ZNF611: variants seen among roughly 807,000 people sequenced by gnomAD.
The protein encoded by ZNF611 is zinc finger protein 611.
In ZNF611, 6 loss-of-function variants were observed where a neutral mutation model predicts 8.9. The observed-to-expected ratio is 0.68, with a 90% CI of 0.37 to 1.34. ZNF611 has a LOEUF of 1.34. ZNF611 is among the 40% of genes most tolerant of loss of function. The pLI, the probability that ZNF611 is intolerant of heterozygous loss-of-function variation, is 0.02. For missense variants in ZNF611, 874 were observed against 841.3 expected (o/e 1.04, Z -0.48); for synonymous variants, 262 against 279.7 (o/e 0.94, Z 0.63).
intron 5 of ZNF611, chr19:52,708,185 G>A (rs1260803881): frequency 6.6e-6 from 1 of 152,058 alleles, no homozygotes; most frequent in Admixed American, 6.6e-5. Flanking sequence ...ACCTTCTGAT[G>A]TATGAGGCCA....
At chr19:52,709,242 T>TC (rs1200771417) in intron 5 of ZNF611, among the ~76,000 whole-genome samples, 1 of 152,104 alleles carries the variant, frequency 6.6e-6, no homozygotes, top group East Asian at 1.9e-4. Context: ...ATTTTTTCTT[T>TC]CTTTTTTTCT....
chr19:52,729,492 C>CAAAAAAAGAAAAAAAAA (rs2062411654), intron 2 of ZNF611, among the ~76,000 whole-genome samples: 1 of 42,354 alleles, frequency 2.4e-5, no homozygotes, highest in Non-Finnish European at 3.6e-5. Flanking sequence ...GACTCCATCT[C>CAAAAAAAGAAAAAAAAA]AAAAAAAAAA....
chr19:52,721,713 C>CAGAGGGAGAGGG (rs1314066736), intron 3 of ZNF611, among the ~76,000 whole-genome samples: 9 of 141,608 alleles, frequency 6.4e-5, no homozygotes, highest in Admixed American at 2.1e-4. Context: ...GAGGCAGAGG[C>CAGAGGGAGAGGG]AGAGGGAGAG....
At chr19:52,724,270 C>G (rs561008172) in intron 3 of ZNF611, 5 of 152,310 alleles carry the variant, frequency 3.3e-5, no homozygotes, top group Non-Finnish European at 5.9e-5. Context: ...GTATTCTGTC[C>G]CAGGGTACTC....
chr19:52,727,881 C>T (rs1425908326), intron 3 of ZNF611, among the ~76,000 whole-genome samples: 1 of 149,914 alleles, frequency 6.7e-6, no homozygotes, highest in Non-Finnish European at 1.5e-5. Flanking sequence ...TACTGAGACA[C>T]AGGTACTATC....
chr19:52,729,515 A>AAAAAAAAAAG, intron 2 of ZNF611, among the ~76,000 whole-genome samples: 1 of 148,114 alleles, frequency 6.8e-6, no homozygotes, highest in African/African-American at 2.5e-5. Context: ...AAAAAAAAAA[A>AAAAAAAAAAG]AAAGAAAAGA....
At chr19:52,726,452 G>A (rs1001078247) in intron 3 of ZNF611, among the ~76,000 whole-genome samples, 5 of 151,964 alleles carry the variant, frequency 3.3e-5, no homozygotes, top group African/African-American at 1.2e-4. Context: ...ACGGAGTCTT[G>A]CTCTGTCACC....
chr19:52,703,466 G>C lies in ZNF611; in HGVS notation c.*1471C>G, dbSNP rs111299862. 6.6e-6 allele frequency: 1 copy of C among 152,006 alleles called. No homozygotes were observed. Among genetic ancestry groups the C allele is most frequent in the South Asian group, 2.1e-4 (1 of 4,814 alleles). 9.4% of individuals were successfully genotyped at this position (152,006 alleles called of 1,614,324 possible). On this transcript the variant is annotated 3_prime_UTR_variant, in exon 6 of 6. Coordinates refer to ENST00000652185, the MANE Select transcript of ZNF611 (RefSeq NM_001161499.2). ...CCGGCTAACTTTTGTATTTTTAGTA[G>C]AGATGGGGTTTCACCATGTTAGGGT...
At position 52,706,562 on chromosome 19, in the gene ZNF611, G is replaced by A. The variant is rs755695089; in HGVS notation, c.493C>T (p.Pro165Ser). The change falls in exon 6 of 6, where the codon CCT becomes TCT. Residue 165 changes from proline to serine, a missense_variant. Physicochemically the swap from Pro to Ser is moderately conservative, Grantham distance 74. Transcript: ENST00000652185. ...TTGATCTGAAATATGTGGAGTTCAGGCAGATGTGAATAAAAGCTTGATCCA... is the reference window on the plus strand; with the variant it reads ...TTGATCTGAAATATGTGGAGTTCAGACAGATGTGAATAAAAGCTTGATCCA... ...QLGSSFYSHL[P>S]ELHIFQIKGE... The A allele has an allele frequency of 8.1e-6, 13 of 1,614,028 alleles. No individual in the cohort carries two copies. In the South Asian group the frequency reaches 1.2e-4, roughly 15 times the overall value.
chr19:52,713,925 G>A (rs2062297254), intron 5 of ZNF611, 90 bp downstream of exon 5: 1 of 1,580,840 alleles, frequency 6.3e-7, no homozygotes, highest in East Asian at 2.2e-5. Context: ...ACCCATGTAT[G>A]GGGCAAAATC....
At chr19:52,722,514 G>C (rs2062366414) in intron 3 of ZNF611, among the ~76,000 whole-genome samples, 1 of 152,122 alleles carries the variant, frequency 6.6e-6, no homozygotes, top group Non-Finnish European at 1.5e-5. Context: ...ACTCACAACT[G>C]AGTAAGTCAC....
chr19:52,712,798 T>C (rs1284113984), intron 5 of ZNF611, among the ~76,000 whole-genome samples: 1 of 152,150 alleles, frequency 6.6e-6, no homozygotes, highest in African/African-American at 2.4e-5. Context: ...CATTATTTAT[T>C]ATAGTAAAGA....
At chr19:52,731,070 TG>T (rs909205894) in intron 1 of ZNF611, among the ~76,000 whole-genome samples, 33 of 151,262 alleles carry the variant, frequency 2.2e-4, no homozygotes, top group African/African-American at 7.5e-4. Flanking sequence ...TATTTTTTTT[TG>T]GGGGTGGGGG....
intron 3 of ZNF611, among the ~76,000 whole-genome samples, chr19:52,722,466 C>A (rs1414991552): frequency 6.6e-6 from 1 of 152,042 alleles, no homozygotes; most frequent in African/African-American, 2.4e-5. Flanking sequence ...CATCACTGCC[C>A]CACTTTCTAC....
At chr19:52,710,546 G>A (rs1212128988) in intron 5 of ZNF611, among the ~76,000 whole-genome samples, 1 of 152,034 alleles carries the variant, frequency 6.6e-6, no homozygotes, top group South Asian at 2.1e-4. Context: ...TTTTAATTTA[G>A]TAGGTTCAAG....
intron 5 of ZNF611, among the ~76,000 whole-genome samples, chr19:52,711,537 G>T (rs1432965479): frequency 2.0e-5 from 3 of 152,142 alleles, no homozygotes; most frequent in Admixed American, 2.0e-4. Flanking sequence ...GCGCAGGCAG[G>T]ACAGGAAATG....
At chr19:52,716,476 G>A in intron 3 of ZNF611, among the ~76,000 whole-genome samples, 1 of 152,238 alleles carries the variant, frequency 6.6e-6, no homozygotes, top group Non-Finnish European at 1.5e-5. Context: ...ACAGCCCCAT[G>A]TTCTGGCTCT....
chr19:52,716,145 C>T lies in ZNF611; in HGVS notation c.-19-232G>A, dbSNP rs879607894. The stretch of plus-strand genomic sequence containing the variant: ...GGAGAAGCCACCACACACGAGGCAG[C>T]AGTGGGGAGCTGGGCTGGACTGATC... On this transcript the variant is annotated intron_variant, in intron 3 of 5. Coordinates refer to ENST00000652185, the MANE Select transcript of ZNF611 (RefSeq NM_001161499.2). 1.6e-4 allele frequency: 81 copies of T among 499,934 alleles called. 1 individual carries two copies. Among genetic ancestry groups the T allele is most frequent in the Non-Finnish European group, 2.7e-4 (74 of 277,570 alleles). The allele number at this position is 499,934 out of a possible 1,614,324, so 31.0% of individuals were successfully genotyped here. A position where few individuals can be genotyped will look rare whatever the true frequency, so the allele number is the denominator to read the frequency against.
In ZNF611 at chr19:52,709,118, A is replaced by G. The variant is rs532657044; in HGVS notation, c.191-2254T>C. ...TGGCCCGAATGTTCGCATTGGCTAA[A>G]AGCCACTATCAGATTTCTTATTCCC... is the stretch of plus-strand genomic sequence containing the variant. On this transcript the variant is annotated intron_variant, in intron 5 of 5. Coordinates refer to ENST00000652185, the MANE Select transcript of ZNF611 (RefSeq NM_001161499.2). 7.1e-4 allele frequency among the ~76,000 whole-genome samples: 108 copies of G among 152,292 alleles called. 1 individual carries two copies. The highest frequency in any genetic ancestry group is 2.5e-3 in the African/African-American group (105 of 41,576).
Sources: gnomAD v4.1 joint callset for allele counts (sites outside exome capture counted in the v4.1 genomes callset) on GRCh38, gnomAD v4.1.1 for gene constraint, MANE v1.5 for transcripts, NCBI Gene and HGNC (gene_info 2026-07-23, HGNC 2026-07-21) for gene names.